GALNT13: variants seen among roughly 807,000 people sequenced by gnomAD.
GALNT13 encodes the protein polypeptide N-acetylgalactosaminyltransferase 13.
Under a neutral mutation model 64.2 loss-of-function variants are expected in GALNT13, and 28 were observed. The observed-to-expected ratio is 0.44, with a 90% CI of 0.32 to 0.60. The LOEUF (loss-of-function observed/expected upper bound fraction) is 0.60. GALNT13 is among the 20% of genes least tolerant of loss of function. The probability of loss-of-function intolerance (pLI) is 0.05; values close to 1 mark genes in which losing one functional copy is unlikely to be tolerated. For missense variants in GALNT13, 577 were observed against 669.8 expected, an observed-to-expected ratio of 0.86 and a Z score of 1.53; for synonymous variants, 214 against 224.6, an observed-to-expected ratio of 0.95 and a Z score of 0.42.
chr2:153,483,481 ATCTCAGC>A, the GALNT13 span, among the ~76,000 whole-genome samples: 1 of 138,176 alleles, frequency 7.2e-6, no homozygotes, highest in African/African-American at 2.8e-5. Flanking sequence ...CAATGGCGCA[ATCTCAGC>A]TCACCGCAAC....
chr2:153,584,513 A>T, the GALNT13 span, among the ~76,000 whole-genome samples: 1 of 152,202 alleles, frequency 6.6e-6, no homozygotes, highest in Non-Finnish European at 1.5e-5. Context: ...GAAACTGGAA[A>T]GCCTCATGAC....
At chr2:154,441,585 C>G (rs1007095371) in intron 12 of GALNT13, 3 of 152,162 alleles carry the variant, frequency 2.0e-5, no homozygotes, top group African/African-American at 7.2e-5. Flanking sequence ...GGATTCAGGT[C>G]CTAATAAAGT....
chr2:154,274,602 G>T (rs937885739), intron 8 of GALNT13, among the ~76,000 whole-genome samples: 1 of 152,066 alleles, frequency 6.6e-6, no homozygotes, highest in Non-Finnish European at 1.5e-5. Flanking sequence ...TGTGAAGAAG[G>T]TCATGTTTGC....
At chr2:153,198,366 G>T in the GALNT13 span, among the ~76,000 whole-genome samples, 1 of 152,192 alleles carries the variant, frequency 6.6e-6, no homozygotes, top group South Asian at 2.1e-4. Context: ...GAGAATGTAG[G>T]CCACTGGGAA....
chr2:154,410,049 G>A (rs1228165257), intron 11 of GALNT13, among the ~76,000 whole-genome samples: 1 of 151,866 alleles, frequency 6.6e-6, no homozygotes, highest in East Asian at 1.9e-4. Flanking sequence ...ATCCTAATTA[G>A]TGTTCCAAAC....
At chr2:154,332,601 T>C (rs959566776) in intron 9 of GALNT13, among the ~76,000 whole-genome samples, 14 of 152,086 alleles carry the variant, frequency 9.2e-5, no homozygotes, top group African/African-American at 3.4e-4. Flanking sequence ...ATAAGACACC[T>C]ACCTCTTCTA....
the GALNT13 span, among the ~76,000 whole-genome samples, chr2:153,616,395 C>A: frequency 2.0e-5 from 3 of 151,530 alleles, no homozygotes; most frequent in South Asian, 4.2e-4. Flanking sequence ...TGCTTAGGAC[C>A]ATTTTGGCTA....
intron 11 of GALNT13, among the ~76,000 whole-genome samples, chr2:154,427,423 G>A (rs1700521548): frequency 6.6e-6 from 1 of 152,198 alleles, no homozygotes; most frequent in South Asian, 2.1e-4. Flanking sequence ...AAGACTTTAA[G>A]GAGATTAGCC....
At chr2:154,183,547 C>CA (rs1041545233) in intron 4 of GALNT13, among the ~76,000 whole-genome samples, 3 of 151,780 alleles carry the variant, frequency 2.0e-5, no homozygotes, top group African/African-American at 7.3e-5. Context: ...CCCACCTCTA[C>CA]AAAAAAATAA....
chr2:153,842,721 A>G, the GALNT13 span, among the ~76,000 whole-genome samples: 3 of 46,190 alleles, frequency 6.5e-5, no homozygotes, highest in African/African-American at 1.6e-4. Flanking sequence ...TTACAAAAGG[A>G]TAACACACAC....
At chr2:153,542,424 T>G in the GALNT13 span, among the ~76,000 whole-genome samples, 2 of 151,856 alleles carry the variant, frequency 1.3e-5, no homozygotes, top group Admixed American at 1.3e-4. Context: ...AAAAGAGATT[T>G]AAGTATAGAA....
chr2:153,928,551 C>G (rs908648976), intron 2 of GALNT13, among the ~76,000 whole-genome samples: 2 of 152,022 alleles, frequency 1.3e-5, no homozygotes, highest in African/African-American at 4.8e-5. Flanking sequence ...AATGAACAAG[C>G]TTGAATCATT....
At chr2:153,363,503 A>T in the GALNT13 span, among the ~76,000 whole-genome samples, 5 of 152,170 alleles carry the variant, frequency 3.3e-5, no homozygotes, top group African/African-American at 1.2e-4. Context: ...CTAGTAAAGA[A>T]GAAAAGAGAG....
the GALNT13 span, among the ~76,000 whole-genome samples, chr2:153,144,702 T>A: frequency 2.6e-5 from 4 of 151,896 alleles, no homozygotes; most frequent in Non-Finnish European, 5.9e-5. Context: ...AGCCTACTGA[T>A]AATAGAAGAC....
chr2:154,043,881 C>T (rs545490414), intron 3 of GALNT13, among the ~76,000 whole-genome samples: 97 of 151,838 alleles, frequency 6.4e-4, no homozygotes, highest in African/African-American at 1.3e-3. Flanking sequence ...GGTTGGTAGA[C>T]GGGGGCAAAA....
the GALNT13 span, among the ~76,000 whole-genome samples, chr2:153,163,970 A>G: frequency 6.6e-6 from 1 of 150,984 alleles, no homozygotes; most frequent in Non-Finnish European, 1.5e-5. Context: ...GTGAGCCGAG[A>G]TCGCGCCACT....
At chr2:153,898,357 A>C (rs907469707) in intron 1 of GALNT13, among the ~76,000 whole-genome samples, 1 of 152,198 alleles carries the variant, frequency 6.6e-6, no homozygotes, top group African/African-American at 2.4e-5. Flanking sequence ...ATTTTTATGC[A>C]TTCTGCAAAA....
chr2:153,145,815 T>C, the GALNT13 span, among the ~76,000 whole-genome samples: 2 of 151,922 alleles, frequency 1.3e-5, no homozygotes, highest in Non-Finnish European at 2.9e-5. Flanking sequence ...TAATAGTGAA[T>C]GAGGATCCAT....
intron 10 of GALNT13, among the ~76,000 whole-genome samples, chr2:154,396,886 A>G (rs1206695649): frequency 6.6e-5 from 10 of 151,300 alleles, no homozygotes; most frequent in Non-Finnish European, 1.3e-4. Context: ...TGACTTCATT[A>G]TAACTATACA....
Sources: gnomAD v4.1 joint callset for allele counts (sites outside exome capture counted in the v4.1 genomes callset) on GRCh38, gnomAD v4.1.1 for gene constraint, MANE v1.5 for transcripts, NCBI Gene and HGNC (gene_info 2026-07-23, HGNC 2026-07-21) for gene names.